The following OR52N4 variants were observed in gnomAD, a reference collection of about 807,000 sequenced individuals.
The protein encoded by OR52N4 is olfactory receptor family 52 subfamily N member 4, also known as olfactory receptor 52N4.
A neutral mutation model predicts 15.0 loss-of-function variants in OR52N4; 15 were observed. The observed-to-expected ratio is 1.00, with a 90% CI of 0.67 to 1.54. The LOEUF (loss-of-function observed/expected upper bound fraction) is 1.54. Among genes scored for constraint, OR52N4 ranks in the 40% most tolerant of loss-of-function variants. The pLI is 0.00. For synonymous variants in OR52N4, 143 were observed against 143.7 expected (o/e 1.00, Z 0.03); for missense variants, 421 against 394.0 (o/e 1.07, Z -0.58).
In OR52N4 at chr11:5,755,019, C is replaced by CA. The variant is rs769959782; in HGVS notation, c.280dup (p.Ile94AsnfsTer4). The CA allele has an allele frequency of 1.6e-5, 26 of 1,614,010 alleles. 2 individuals carry two copies. In the South Asian group the frequency reaches 2.7e-4, roughly 17 times the overall value. ...GCATCTTCTGGTTTCATCTCAAGGA[C>CA]ATTGGATTTGATGAATGCCTTGTCC... On this transcript the variant is annotated frameshift_variant, in exon 2 of 2. Coordinates refer to ENST00000641350, the MANE Select transcript of OR52N4 (RefSeq NM_001005175.5). LOFTEE classifies it high-confidence loss of function.
the OR52N4 span, among the ~76,000 whole-genome samples, chr11:5,748,481 A>G: frequency 2.0e-5 from 3 of 151,798 alleles, no homozygotes; most frequent in Non-Finnish European, 4.4e-5. Context: ...AATTTAATAT[A>G]TAAGTGTAAT....
Position 5,755,248 on chromosome 11 carries a change from T to C in OR52N4, c.508T>C (p.Tyr170His), listed in dbSNP as rs749286697. The C allele has an allele frequency of 1.9e-6, 3 of 1,614,092 alleles. No individual in the cohort carries two copies. Among genetic ancestry groups the C allele is most frequent in the Non-Finnish European group, 2.5e-6 (3 of 1,179,990 alleles). ...PFTFLTKLLP[Y>H]CRGNILPHTY... The stretch of plus-strand genomic sequence containing the variant: ...TACTTTCCTCACCAAGCTCCTGCCC[T>C]ACTGCAGAGGCAATATACTTCCCCA... Residue 170 changes from tyrosine to histidine, a missense_variant, in exon 2 of 2, where the codon TAC becomes CAC. Transcript: ENST00000641350.
At position 5,755,771 on chromosome 11, in the gene OR52N4, G is replaced by A; in HGVS notation, c.*65G>A. 2 of 1,541,704 alleles carry A rather than the reference G, an allele frequency of 1.3e-6. No individual in the cohort carries two copies. Among genetic ancestry groups the A allele is most frequent in the East Asian group, 2.3e-5 (1 of 44,292 alleles). Reference sequence around the variant, plus strand: ...ACTTCTATTTGCCTCTTATGCAGGAGTTCATAAAATCTTTCTGGAAGCACT... The same window carrying A: ...ACTTCTATTTGCCTCTTATGCAGGAATTCATAAAATCTTTCTGGAAGCACT... On this transcript the variant is annotated 3_prime_UTR_variant, in exon 2 of 2. Transcript: ENST00000641350.
At chr11:5,753,581 A>T (rs529610104), upstream of OR52N4, among the ~76,000 whole-genome samples, 1 of 152,348 alleles carries the variant, frequency 6.6e-6, no homozygotes, top group South Asian at 2.1e-4. Flanking sequence ...TGAAAAGTGA[A>T]AAAATTGAAT....
chr11:5,749,268 T>C (rs1240690434), upstream of OR52N4, among the ~76,000 whole-genome samples: 1 of 151,994 alleles, frequency 6.6e-6, no homozygotes. Flanking sequence ...TTTTCTGTAG[T>C]CAGCAAGATA....
At chr11:5,741,339 G>A in the OR52N4 span, among the ~76,000 whole-genome samples, 1 of 152,186 alleles carries the variant, frequency 6.6e-6, no homozygotes, top group African/African-American at 2.4e-5. Context: ...ACACTGTATT[G>A]AACACCCTGG....
At chr11:5,728,401 G>C in the OR52N4 span, among the ~76,000 whole-genome samples, 2 of 152,206 alleles carry the variant, frequency 1.3e-5, no homozygotes, top group Admixed American at 1.3e-4. Context: ...GTGATGGAAA[G>C]TTCCTAACTA....
At chr11:5,730,059 C>T in the OR52N4 span, among the ~76,000 whole-genome samples, 26 of 151,990 alleles carry the variant, frequency 1.7e-4, 1 homozygote, top group Non-Finnish European at 3.4e-4. Context: ...AATGAAAGTT[C>T]ATGAAAAATA....
chr11:5,728,034 C>G, the OR52N4 span, among the ~76,000 whole-genome samples: 1 of 152,130 alleles, frequency 6.6e-6, no homozygotes, highest in Non-Finnish European at 1.5e-5. Context: ...AACTAGAATC[C>G]TTTAGGACTT....
upstream of OR52N4, among the ~76,000 whole-genome samples, chr11:5,751,106 T>C (rs1320342061): frequency 1.3e-5 from 2 of 152,044 alleles, no homozygotes; most frequent in Non-Finnish European, 2.9e-5. Flanking sequence ...CTTCTCAAAG[T>C]GATCTTGACT....
upstream of OR52N4, among the ~76,000 whole-genome samples, chr11:5,753,389 TAA>T (rs1276548290): frequency 1.3e-5 from 2 of 152,186 alleles, no homozygotes; most frequent in African/African-American, 4.8e-5. Context: ...CTGATTAATA[TAA>T]AAGTTTGTGC....
At chr11:5,742,054 T>C in the OR52N4 span, among the ~76,000 whole-genome samples, 1 of 151,680 alleles carries the variant, frequency 6.6e-6, no homozygotes, top group Non-Finnish European at 1.5e-5. Context: ...GAATAGTACA[T>C]TTCAGAGACT....
the OR52N4 span, among the ~76,000 whole-genome samples, chr11:5,746,259 T>C: frequency 2.6e-5 from 4 of 152,122 alleles, no homozygotes; most frequent in African/African-American, 9.7e-5. Flanking sequence ...TACGAGTAAG[T>C]TGTTGAAAGG....
intron 1 of OR52N4, among the ~76,000 whole-genome samples, 172 bp downstream of exon 1, chr11:5,754,477 T>C (rs922374354): frequency 6.6e-6 from 1 of 152,148 alleles, no homozygotes; most frequent in Non-Finnish European, 1.5e-5. Flanking sequence ...TTGATTGGCA[T>C]CTGTGTTGAA....
the OR52N4 span, among the ~76,000 whole-genome samples, chr11:5,730,396 T>G: frequency 6.6e-6 from 1 of 152,112 alleles, no homozygotes; most frequent in African/African-American, 2.4e-5. Flanking sequence ...TTTCACTGTG[T>G]TAGCCAGGAT....
the OR52N4 span, among the ~76,000 whole-genome samples, chr11:5,741,559 G>A: frequency 3.3e-5 from 5 of 152,308 alleles, 1 homozygote; most frequent in Admixed American, 2.0e-4. Flanking sequence ...AGAAAAGTAT[G>A]TTCTATGGAA....
chr11:5,735,499 G>T, the OR52N4 span, among the ~76,000 whole-genome samples: 5 of 151,870 alleles, frequency 3.3e-5, no homozygotes, highest in Non-Finnish European at 7.4e-5. Flanking sequence ...CAGAAAGAAA[G>T]AATTATGGAA....
chr11:5,737,492 A>C, the OR52N4 span: 1 of 1,604,942 alleles, frequency 6.2e-7, no homozygotes. Flanking sequence ...AAGATCTTAG[A>C]GACCTTCTCC....
chr11:5,751,252 T>C (rs574993289), upstream of OR52N4, among the ~76,000 whole-genome samples: 1 of 152,172 alleles, frequency 6.6e-6, no homozygotes, highest in South Asian at 2.1e-4. Context: ...TGAAATCTTA[T>C]ACTGCATATA....
Sources: allele counts gnomAD v4.1 joint callset (sites outside exome capture counted in the v4.1 genomes callset), GRCh38; gene constraint gnomAD v4.1.1; transcripts MANE v1.5; gene names NCBI Gene and HGNC (gene_info 2026-07-23, HGNC 2026-07-21).